SLC9A9: variants seen among roughly 807,000 people sequenced by gnomAD.
The protein encoded by SLC9A9 is solute carrier family 9 member A9, also known as sodium/hydrogen exchanger 9.
SLC9A9 carries 62 observed loss-of-function variants against 77.8 expected under a neutral mutation model. The ratio of observed to expected loss-of-function variants is 0.80; its 90% CI spans 0.65 to 0.98. The LOEUF (loss-of-function observed/expected upper bound fraction) is 0.98, where lower values mean the gene tolerates loss of function less well. Among genes scored for constraint, SLC9A9 ranks in the 50% least tolerant of loss-of-function variants. SLC9A9 has a pLI of 0.00. For missense variants in SLC9A9, 775 were observed against 774.9 expected (o/e 1.00, Z 0.00); for synonymous variants, 320 against 283.5 (o/e 1.13, Z -1.29).
intron 9 of SLC9A9, among the ~76,000 whole-genome samples, chr3:143,527,436 A>C (rs555223041): frequency 1.8e-4 from 27 of 152,306 alleles, no homozygotes; most frequent in African/African-American, 6.5e-4. Context: ...CACAAGGTTG[A>C]AGGAACTTCA....
intron 9 of SLC9A9, among the ~76,000 whole-genome samples, chr3:143,546,842 C>T (rs2036800080): frequency 6.6e-6 from 1 of 152,172 alleles, no homozygotes; most frequent in South Asian, 2.1e-4. Flanking sequence ...CTACTTCTTC[C>T]TCCAGCGATC....
chr3:143,312,788 A>T (rs1009150884), intron 14 of SLC9A9, among the ~76,000 whole-genome samples: 3 of 152,228 alleles, frequency 2.0e-5, no homozygotes, highest in African/African-American at 7.2e-5. Flanking sequence ...GACCGAAGTC[A>T]TCCCCAGGTT....
chr3:143,815,466 G>A (rs1160086327), intron 2 of SLC9A9, among the ~76,000 whole-genome samples: 1 of 151,862 alleles, frequency 6.6e-6, no homozygotes, highest in Admixed American at 6.6e-5. Flanking sequence ...TGTCTTAGCA[G>A]TTTTGACTTC....
chr3:143,520,152 C>G (rs1446525679), intron 9 of SLC9A9, among the ~76,000 whole-genome samples: 1 of 152,140 alleles, frequency 6.6e-6, no homozygotes, highest in East Asian at 1.9e-4. Context: ...ATCCTATAGT[C>G]ATAATTGCTA....
chr3:143,722,971 G>C (rs554844627), intron 4 of SLC9A9, among the ~76,000 whole-genome samples: 1 of 151,872 alleles, frequency 6.6e-6, no homozygotes. Flanking sequence ...TGTAACTTTC[G>C]CCAATGCTAC....
intron 2 of SLC9A9, among the ~76,000 whole-genome samples, chr3:143,800,795 C>T (rs575533375): frequency 1.5e-4 from 23 of 152,152 alleles, no homozygotes; most frequent in Non-Finnish European, 5.9e-5. Flanking sequence ...AACAAGACAC[C>T]CTCCTGCTCC....
At chr3:143,294,845 G>A (rs751346701) in intron 14 of SLC9A9, among the ~76,000 whole-genome samples, 1 of 152,116 alleles carries the variant, frequency 6.6e-6, no homozygotes, top group African/African-American at 2.4e-5. Flanking sequence ...TCTACACATA[G>A]CCCAGGCAAT....
At chr3:143,806,095 C>A (rs1281459089) in intron 2 of SLC9A9, among the ~76,000 whole-genome samples, 3 of 150,986 alleles carry the variant, frequency 2.0e-5, no homozygotes, top group Non-Finnish European at 4.4e-5. Flanking sequence ...ATCCCCTACC[C>A]CCCGTCCCCC....
At chr3:143,389,910 A>AT (rs2033517261) in intron 12 of SLC9A9, among the ~76,000 whole-genome samples, 1 of 152,172 alleles carries the variant, frequency 6.6e-6, no homozygotes, top group Non-Finnish European at 1.5e-5. Context: ...TGGGGACATG[A>AT]AGTATGTAAT....
At chr3:143,364,024 G>A (rs1251812490) in intron 13 of SLC9A9, among the ~76,000 whole-genome samples, 3 of 152,066 alleles carry the variant, frequency 2.0e-5, no homozygotes, top group Admixed American at 1.3e-4. Context: ...GTTGATTTTT[G>A]ATATATTTCT....
At chr3:143,622,949 G>A (rs981983837) in intron 6 of SLC9A9, among the ~76,000 whole-genome samples, 14 of 152,086 alleles carry the variant, frequency 9.2e-5, no homozygotes, top group Non-Finnish European at 4.4e-5. Flanking sequence ...ACAAAGAAAG[G>A]CAGCTGTTGA....
At chr3:143,608,514 G>A (rs2037964020) in intron 6 of SLC9A9, among the ~76,000 whole-genome samples, 1 of 152,114 alleles carries the variant, frequency 6.6e-6, no homozygotes, top group Non-Finnish European at 1.5e-5. Flanking sequence ...TGACATCAGC[G>A]GGCCAAGGAC....
intron 12 of SLC9A9, among the ~76,000 whole-genome samples, chr3:143,454,046 C>T (rs1336818087): frequency 6.6e-6 from 1 of 152,320 alleles, no homozygotes; most frequent in East Asian, 1.9e-4. Flanking sequence ...GAACCACCCT[C>T]ACCAGAAAAC....
In SLC9A9 at chr3:143,660,719, A is replaced by G. The variant is rs188235342; in HGVS notation, c.650-8359T>C. 5.0e-3 allele frequency among the ~76,000 whole-genome samples: 764 copies of G among 152,270 alleles called. 3 individuals carry two copies. Among genetic ancestry groups the G allele is most frequent in the Non-Finnish European group, 7.2e-3 (491 of 68,016 alleles). The stretch of plus-strand genomic sequence containing the variant: ...CAGTGGGCAGACCAAGCTCCCATAC[A>G]TTTGGTTTTTCAATATATGAGTTAA... On this transcript the variant is annotated intron_variant, in intron 5 of 15. Transcript: ENST00000316549.
At chr3:143,286,564 C>T (rs1358401654) in intron 14 of SLC9A9, among the ~76,000 whole-genome samples, 1 of 152,238 alleles carries the variant, frequency 6.6e-6, no homozygotes, top group East Asian at 1.9e-4. Context: ...TGGTGACATT[C>T]CTTCCAAATC....
At chr3:143,354,332 C>T (rs1159040143) in intron 14 of SLC9A9, among the ~76,000 whole-genome samples, 2 of 152,192 alleles carry the variant, frequency 1.3e-5, no homozygotes, top group Non-Finnish European at 1.5e-5. Flanking sequence ...AATCTCTTTG[C>T]CTGCTCTTTC....
chr3:143,783,013 G>A (rs143112625), intron 4 of SLC9A9, among the ~76,000 whole-genome samples: 1 of 152,244 alleles, frequency 6.6e-6, no homozygotes, highest in Admixed American at 6.5e-5. Context: ...CAACCGAGTA[G>A]CATCCAGGTT....
At chr3:143,525,751 A>C (rs979604371) in intron 9 of SLC9A9, among the ~76,000 whole-genome samples, 2 of 152,364 alleles carry the variant, frequency 1.3e-5, no homozygotes, top group South Asian at 4.1e-4. Flanking sequence ...AAAGAATGAA[A>C]TAATCAAAAT....
chr3:143,598,618 C>G (rs983252674), intron 6 of SLC9A9, among the ~76,000 whole-genome samples: 6 of 152,196 alleles, frequency 3.9e-5, no homozygotes, highest in Non-Finnish European at 5.9e-5. Context: ...ACATGCTACC[C>G]CGGAACATTA....
Sources: gnomAD v4.1 joint callset for allele counts (sites outside exome capture counted in the v4.1 genomes callset) on GRCh38, gnomAD v4.1.1 for gene constraint, MANE v1.5 for transcripts, NCBI Gene and HGNC (gene_info 2026-07-23, HGNC 2026-07-21) for gene names.